The following DNAH5 variants were observed in gnomAD, a reference collection of about 807,000 sequenced individuals.
The protein encoded by DNAH5 is dynein axonemal heavy chain 5, also known as axonemal beta dynein heavy chain 5.
DNAH5 carries 372 observed loss-of-function variants against 518.2 expected under a neutral mutation model. The ratio of observed to expected loss-of-function variants is 0.72; its 90% CI spans 0.66 to 0.78. The LOEUF (loss-of-function observed/expected upper bound fraction) is 0.78. DNAH5 is among the 30% of genes least tolerant of loss of function. The pLI, the probability that DNAH5 is intolerant of heterozygous loss-of-function variation, is 0.00. For missense variants in DNAH5, 5,523 were observed against 5,687.0 expected (o/e 0.97, Z 0.93); for synonymous variants, 2,039 against 2,025.9 (o/e 1.01, Z -0.17).
intron 1 of DNAH5, among the ~76,000 whole-genome samples, chr5:13,976,392 G>C (rs1782244031): frequency 6.6e-6 from 1 of 152,124 alleles, no homozygotes; most frequent in Non-Finnish European, 1.5e-5. Context: ...CACTCGTGCT[G>C]TGTCCCAGCC....
chr5:13,890,276 G>A (rs533343435), intron 17 of DNAH5, among the ~76,000 whole-genome samples: 8 of 151,856 alleles, frequency 5.3e-5, no homozygotes, highest in South Asian at 2.1e-4. Context: ...GCGTGGCAGC[G>A]TGTGCCTGTA....
chr5:13,878,527 C>G (rs1296021845), intron 21 of DNAH5, among the ~76,000 whole-genome samples: 1 of 152,176 alleles, frequency 6.6e-6, no homozygotes, highest in African/African-American at 2.4e-5. Flanking sequence ...GGAGCCACAG[C>G]TGAGCACTTC....
At chr5:13,987,682 G>A (rs529037400) in intron 1 of DNAH5, among the ~76,000 whole-genome samples, 69 of 151,652 alleles carry the variant, frequency 4.5e-4, no homozygotes, top group African/African-American at 9.4e-4. Context: ...GTGAAACCCC[G>A]TCTCTACTAA....
chr5:13,918,019 C>T (rs1776828459), intron 7 of DNAH5, among the ~76,000 whole-genome samples: 1 of 152,198 alleles, frequency 6.6e-6, no homozygotes, highest in Non-Finnish European at 1.5e-5. Context: ...ACCACAGACT[C>T]CCTGTATTCA....
chr5:13,996,120 T>TG (rs1783922563), intron 1 of DNAH5, among the ~76,000 whole-genome samples: 1 of 152,218 alleles, frequency 6.6e-6, no homozygotes, highest in Non-Finnish European at 1.5e-5. Context: ...CTCTGATGAT[T>TG]AAAGGTGTTT....
intron 1 of DNAH5, among the ~76,000 whole-genome samples, chr5:13,987,710 C>T (rs972343870): frequency 1.3e-5 from 2 of 151,960 alleles, no homozygotes; most frequent in African/African-American, 4.8e-5. Context: ...AAAAATTAGC[C>T]AGGCATGGTG....
At chr5:13,994,612 T>C (rs886487441) in intron 1 of DNAH5, among the ~76,000 whole-genome samples, 13 of 152,170 alleles carry the variant, frequency 8.5e-5, no homozygotes, top group Non-Finnish European at 1.8e-4. Flanking sequence ...ATCTCATTCT[T>C]CAGTAGTATT....
chr5:13,778,704 T>C (rs1754626449), intron 53 of DNAH5, among the ~76,000 whole-genome samples: 5 of 151,796 alleles, frequency 3.3e-5, no homozygotes, highest in African/African-American at 1.2e-4. Context: ...CAAGGGCCCA[T>C]TGCCTCAAAT....
chr5:13,926,902 A>C (rs1029691737), intron 3 of DNAH5, among the ~76,000 whole-genome samples: 3 of 152,204 alleles, frequency 2.0e-5, no homozygotes, highest in South Asian at 4.1e-4. Context: ...TTCACTTAAA[A>C]TGTAATAAGC....
At chr5:13,978,121 T>C (rs6868931) in intron 1 of DNAH5, among the ~76,000 whole-genome samples, 1 of 152,160 alleles carries the variant, frequency 6.6e-6, no homozygotes, top group East Asian at 1.9e-4. Flanking sequence ...ACAGACACAC[T>C]GTGGCTTCAA....
chr5:13,698,667 A>C (rs1352342665), intron 78 of DNAH5, among the ~76,000 whole-genome samples: 1 of 152,222 alleles, frequency 6.6e-6, no homozygotes, highest in East Asian at 1.9e-4. Context: ...AGACTTAAAC[A>C]CTACACTTGG....
At chr5:13,833,810 C>T (rs774002009) in intron 35 of DNAH5, among the ~76,000 whole-genome samples, 9 of 152,202 alleles carry the variant, frequency 5.9e-5, no homozygotes, top group Non-Finnish European at 1.3e-4. Context: ...TTCTAGTCTT[C>T]ATTAAAAACA....
At chr5:13,932,965 A>G (rs1778559923) in intron 1 of DNAH5, among the ~76,000 whole-genome samples, 1 of 152,244 alleles carries the variant, frequency 6.6e-6, no homozygotes, top group Admixed American at 6.5e-5. Flanking sequence ...TTTATGAGAC[A>G]GACCATTCTT....
chr5:13,902,182 T>G, intron 12 of DNAH5, 44 bp from the exon 13 acceptor site: 1 of 1,401,678 alleles, frequency 7.1e-7, no homozygotes, highest in Non-Finnish European at 1.0e-6. Context: ...GAATTGGGAA[T>G]TTACTGTTTA....
chr5:13,870,171 A>G (rs547311108), intron 24 of DNAH5, among the ~76,000 whole-genome samples: 2 of 152,268 alleles, frequency 1.3e-5, no homozygotes, highest in East Asian at 3.9e-4. Flanking sequence ...AGTAGGAGCC[A>G]TAGTAAGGAT....
chr5:13,788,745 T>C lies in DNAH5; in HGVS notation c.8618A>G (p.Asp2873Gly), dbSNP rs1347729037. The C allele has an allele frequency of 6.2e-7, 1 of 1,614,104 alleles. No homozygotes were observed. The highest frequency in any genetic ancestry group is 1.7e-5 in the Admixed American group (1 of 60,002). Reference sequence around the variant, plus strand: ...AGCTTCAGGTGCATCTCTCAAGAAATCCACAAAATATGTGTCAATTCCACA... The same window carrying C: ...AGCTTCAGGTGCATCTCTCAAGAAACCCACAAAATATGTGTCAATTCCACA... ...VDCGIDTYFV[D>G]FLRDAPEAAG... The change falls in exon 51 of 79, where the codon GAT becomes GGT. Residue 2873 changes from aspartate to glycine, a missense_variant. Physicochemically the swap from Asp to Gly is moderately conservative, Grantham distance 94. This residue lies in a region of DNAH5 where 5,121 missense variants were observed against 5,223.3 expected (regional missense o/e 0.98). Coordinates refer to ENST00000265104, the MANE Select transcript of DNAH5 (RefSeq NM_001369.3).
intron 39 of DNAH5, among the ~76,000 whole-genome samples, 159 bp from the exon 40 acceptor site, chr5:13,823,529 T>C (rs1268688292): frequency 6.6e-6 from 1 of 152,098 alleles, no homozygotes; most frequent in African/African-American, 2.4e-5. Context: ...TTTCCTCATC[T>C]TTCCCATAAA....
At chr5:13,988,498 AC>A (rs1442109878) in intron 1 of DNAH5, among the ~76,000 whole-genome samples, 1 of 151,772 alleles carries the variant, frequency 6.6e-6, no homozygotes, top group Non-Finnish European at 1.5e-5. Context: ...GCTCACTGCA[AC>A]CTCTGCCTCC....
At chr5:13,732,644 C>T (rs1746767374) in intron 68 of DNAH5, among the ~76,000 whole-genome samples, 1 of 152,080 alleles carries the variant, frequency 6.6e-6, no homozygotes, top group African/African-American at 2.4e-5. Flanking sequence ...GCTGGGATTA[C>T]AGACTTGAGC....
Sources: gnomAD v4.1 joint callset for allele counts (sites outside exome capture counted in the v4.1 genomes callset) on GRCh38, gnomAD v4.1.1 for gene constraint, gnomAD v4.1.1 regional missense constraint, MANE v1.5 for transcripts, NCBI Gene and HGNC (gene_info 2026-07-23, HGNC 2026-07-21) for gene names.